Variants in GRIP1 observed in about 807,000 individuals in gnomAD.
GRIP1 encodes the protein glutamate receptor interacting protein 1.
Under a neutral mutation model 129.9 loss-of-function variants are expected in GRIP1, and 45 were observed. The observed-to-expected ratio is 0.35, with a 90% CI of 0.27 to 0.44. The LOEUF is 0.44. Ranked by LOEUF, GRIP1 falls within the 20% of genes least tolerant of loss-of-function variation. The pLI, the probability that GRIP1 is intolerant of heterozygous loss-of-function variation, is 1.00. For missense variants in GRIP1, 1,196 were observed against 1,396.8 expected (o/e 0.86, Z 2.29); for synonymous variants, 530 against 520.8 (o/e 1.02, Z -0.24).
chr12:66,576,575 C>T (rs114279241), intron 2 of GRIP1, among the ~76,000 whole-genome samples: 2,307 of 152,284 alleles, frequency 0.015, 63 homozygotes, highest in African/African-American at 0.053. Context: ...ATATCAGTCC[C>T]GTTGTTGGGT....
chr12:66,826,236 A>G (rs932898367), intron 1 of GRIP1, among the ~76,000 whole-genome samples: 12 of 152,098 alleles, frequency 7.9e-5, no homozygotes, highest in Admixed American at 2.0e-4. Context: ...CTCACTCATA[A>G]GTGGGAGTTG....
At chr12:66,446,339 G>A (rs745472040) in intron 11 of GRIP1, among the ~76,000 whole-genome samples, 5 of 151,964 alleles carry the variant, frequency 3.3e-5, no homozygotes, top group African/African-American at 4.8e-5. Flanking sequence ...GTGGCCACCC[G>A]TGCTCTCTGT....
chr12:66,928,234 T>G (rs559233102), intron 1 of GRIP1, among the ~76,000 whole-genome samples: 23 of 152,290 alleles, frequency 1.5e-4, no homozygotes, highest in African/African-American at 5.5e-4. Context: ...GAAAAGAAAA[T>G]GTGCTTTTAA....
intron 1 of GRIP1, among the ~76,000 whole-genome samples, chr12:66,738,869 AC>A (rs1592794112): frequency 1.3e-5 from 2 of 152,190 alleles, no homozygotes; most frequent in African/African-American, 4.8e-5. Context: ...ATGGAAGCTG[AC>A]TTTTCTACGT....
At chr12:66,487,686 G>A (rs2059991915) in intron 7 of GRIP1, among the ~76,000 whole-genome samples, 1 of 152,110 alleles carries the variant, frequency 6.6e-6, no homozygotes, top group Non-Finnish European at 1.5e-5. Context: ...GACACAGAAT[G>A]GCAAGCTGAA....
intron 1 of GRIP1, among the ~76,000 whole-genome samples, chr12:67,004,194 T>C (rs777672703): frequency 6.6e-6 from 1 of 152,198 alleles, no homozygotes; most frequent in Non-Finnish European, 1.5e-5. Context: ...TAGGACTTGA[T>C]CTCTTTGGGT....
chr12:66,620,194 G>A (rs2065207977), intron 1 of GRIP1, among the ~76,000 whole-genome samples: 2 of 152,160 alleles, frequency 1.3e-5, no homozygotes, highest in Admixed American at 1.3e-4. Context: ...ATATGTGCAA[G>A]TAACGGTACC....
chr12:67,014,453 T>A (rs536386158), intron 1 of GRIP1, among the ~76,000 whole-genome samples: 2 of 152,228 alleles, frequency 1.3e-5, no homozygotes, highest in South Asian at 4.1e-4. Context: ...GAAAATGTAT[T>A]TTAAAAGGAG....
At chr12:66,619,902 AG>A (rs2065195368) in intron 1 of GRIP1, among the ~76,000 whole-genome samples, 1 of 152,336 alleles carries the variant, frequency 6.6e-6, no homozygotes, top group South Asian at 2.1e-4. Context: ...GGGAAGTAAA[AG>A]TAATTGATCC....
chr12:66,727,109 GA>G (rs1243843114), intron 1 of GRIP1, among the ~76,000 whole-genome samples: 10 of 152,272 alleles, frequency 6.6e-5, no homozygotes, highest in Non-Finnish European at 1.3e-4. Context: ...GTCACGATTA[GA>G]AGATTCTATG....
chr12:66,800,653 A>G (rs1201108110), intron 1 of GRIP1, among the ~76,000 whole-genome samples: 7 of 152,182 alleles, frequency 4.6e-5, no homozygotes. Flanking sequence ...GCCAGAGCCT[A>G]TAAAAAGACA....
chr12:66,691,400 A>G (rs2034977695), intron 1 of GRIP1, among the ~76,000 whole-genome samples: 1 of 152,226 alleles, frequency 6.6e-6, no homozygotes, highest in Non-Finnish European at 1.5e-5. Flanking sequence ...CAAAGGGAAA[A>G]GTCTAAATAT....
At chr12:66,723,224 T>TTC (rs1378757184) in intron 1 of GRIP1, among the ~76,000 whole-genome samples, 3 of 47,682 alleles carry the variant, frequency 6.3e-5, no homozygotes, top group Non-Finnish European at 1.1e-4. Flanking sequence ...CTTTCTTTCT[T>TTC]TCTCTCTCTC....
chr12:66,453,276 C>T (rs2058861294), intron 11 of GRIP1, among the ~76,000 whole-genome samples: 1 of 152,178 alleles, frequency 6.6e-6, no homozygotes, highest in Non-Finnish European at 1.5e-5. Context: ...TCTTACCTAA[C>T]ACAAACAAAT....
At chr12:66,848,493 T>C (rs552306580) in intron 1 of GRIP1, among the ~76,000 whole-genome samples, 1 of 152,194 alleles carries the variant, frequency 6.6e-6, no homozygotes, top group Non-Finnish European at 1.5e-5. Flanking sequence ...GGAAAATCTA[T>C]GGTAGGTAAA....
intron 1 of GRIP1, among the ~76,000 whole-genome samples, chr12:66,869,671 C>T (rs556134225): frequency 6.6e-6 from 1 of 152,104 alleles, no homozygotes; most frequent in East Asian, 1.9e-4. Context: ...AAGACAAGTA[C>T]AAACCAATGA....
chr12:66,375,573 T>A, intron 22 of GRIP1, among the ~76,000 whole-genome samples: 1 of 152,210 alleles, frequency 6.6e-6, no homozygotes, highest in South Asian at 2.1e-4. Context: ...AATTTGCCAA[T>A]CATTCATCCT....
chr12:67,057,285 A>G (rs1435451947), intron 1 of GRIP1, among the ~76,000 whole-genome samples: 1 of 152,146 alleles, frequency 6.6e-6, no homozygotes, highest in East Asian at 1.9e-4. Context: ...GACACCAGAG[A>G]GCTTTCACTC....
chr12:66,986,321 T>C (rs1341388649), intron 1 of GRIP1, among the ~76,000 whole-genome samples: 1 of 152,036 alleles, frequency 6.6e-6, no homozygotes, highest in Non-Finnish European at 1.5e-5. Context: ...AGCCATCCCA[T>C]TACTGGGTAT....
Sources: gnomAD v4.1 joint callset for allele counts (sites outside exome capture counted in the v4.1 genomes callset) on GRCh38, gnomAD v4.1.1 for gene constraint, MANE v1.5 for transcripts, NCBI Gene and HGNC (gene_info 2026-07-23, HGNC 2026-07-21) for gene names.